Variants in OSBPL9 observed in about 807,000 individuals in gnomAD.
OSBPL9 encodes oxysterol-binding protein-related protein 9.
A neutral mutation model predicts 106.6 loss-of-function variants in OSBPL9; 40 were observed. That is an observed-to-expected ratio of 0.38 (90% CI 0.29 to 0.49). OSBPL9 has a LOEUF of 0.49. Among genes scored for constraint, OSBPL9 ranks in the 20% least tolerant of loss-of-function variants. The pLI, the probability that OSBPL9 is intolerant of heterozygous loss-of-function variation, is 0.97. For missense variants in OSBPL9, 609 were observed against 887.2 expected, an observed-to-expected ratio of 0.69 and a Z score of 3.98; for synonymous variants, 269 against 295.4, an observed-to-expected ratio of 0.91 and a Z score of 0.92.
chr1:51,643,970 C>T (rs751665638), intron 1 of OSBPL9, among the ~76,000 whole-genome samples: 6 of 150,036 alleles, frequency 4.0e-5, no homozygotes, highest in Non-Finnish European at 5.9e-5. Flanking sequence ...GTCCCAGCTA[C>T]TCTGGAGGCT....
At chr1:51,716,202 T>C (rs1661016944) in intron 4 of OSBPL9, among the ~76,000 whole-genome samples, 1 of 152,244 alleles carries the variant, frequency 6.6e-6, no homozygotes, top group African/African-American at 2.4e-5. Context: ...ATTTAATGCA[T>C]GGAGAAGATA....
chr1:51,730,039 C>G, intron 4 of OSBPL9: 1 of 1,299,710 alleles, frequency 7.7e-7, no homozygotes, highest in Non-Finnish European at 9.8e-7. Context: ...GGGGCCGGCC[C>G]CTACCCCTGA....
At chr1:51,719,795 G>C (rs182675197) in intron 4 of OSBPL9, among the ~76,000 whole-genome samples, 1 of 152,202 alleles carries the variant, frequency 6.6e-6, no homozygotes, top group East Asian at 1.9e-4. Flanking sequence ...ACATCCAAAA[G>C]AAAATTTCAA....
intron 15 of OSBPL9, among the ~76,000 whole-genome samples, chr1:51,779,628 G>A (rs542644086): frequency 9.1e-4 from 138 of 151,862 alleles, no homozygotes; most frequent in African/African-American, 3.2e-3. Context: ...GAAAATATTC[G>A]CAAACTATGC....
At chr1:51,625,763 A>G (rs10888731) in intron 1 of OSBPL9, among the ~76,000 whole-genome samples, 2,976 of 152,204 alleles carry the variant, frequency 0.02, 92 homozygotes, top group East Asian at 0.11. Flanking sequence ...AGCTTAAGCA[A>G]TCCACCCTCC....
In OSBPL9 at chr1:51,750,055, C is replaced by T. The variant is rs1030018276; in HGVS notation, c.493-90C>T. ...GTGTAGTATAGACTTAAACTCTATA[C>T]ATCTGAACTGATTTTTATATTTTAA... is the stretch of plus-strand genomic sequence containing the variant. On this transcript the variant is annotated intron_variant, in intron 7 of 23. Coordinates refer to ENST00000428468, the MANE Select transcript of OSBPL9 (RefSeq NM_024586.6). 6.7e-5 allele frequency: 60 copies of T among 901,918 alleles called. No homozygotes were observed. The African/African-American group carries it at 8.5e-4, about 13-fold the overall frequency. The allele number at this position is 901,918 out of a possible 1,614,324, so 55.9% of individuals were successfully genotyped here. A position where few individuals can be genotyped will look rare whatever the true frequency, so the allele number is the denominator to read the frequency against.
At chr1:51,526,811 C>G in the OSBPL9 span, among the ~76,000 whole-genome samples, 2 of 151,936 alleles carry the variant, frequency 1.3e-5, no homozygotes, top group African/African-American at 4.8e-5. Context: ...GTGGCGCAAT[C>G]TCGGCTCACT....
intron 1 of OSBPL9, among the ~76,000 whole-genome samples, chr1:51,633,341 G>A (rs916759012): frequency 1.3e-5 from 2 of 151,414 alleles, no homozygotes; most frequent in Non-Finnish European, 1.5e-5. Flanking sequence ...AGGCCAAGAC[G>A]GGAGGATTGC....
chr1:51,711,781 C>T (rs796360690), intron 3 of OSBPL9, among the ~76,000 whole-genome samples: 5 of 146,876 alleles, frequency 3.4e-5, no homozygotes, highest in Non-Finnish European at 7.5e-5. Flanking sequence ...GATGGGGCGG[C>T]GGGGCAGAGG....
At chr1:51,597,957 GC>G (rs1442512215) in intron 1 of OSBPL9, among the ~76,000 whole-genome samples, 1 of 152,174 alleles carries the variant, frequency 6.6e-6, no homozygotes, top group Non-Finnish European at 1.5e-5. Context: ...GGACCTTTAG[GC>G]AACTAATTTA....
intron 9 of OSBPL9, 168 bp downstream of exon 9, chr1:51,756,526 T>C: frequency 1.6e-6 from 1 of 620,906 alleles, no homozygotes; most frequent in South Asian, 2.1e-5. Flanking sequence ...AGCAATCATT[T>C]GCAGGGGAAA....
chr1:51,608,332 A>G (rs995259067), intron 2 of OSBPL9, among the ~76,000 whole-genome samples: 4 of 152,082 alleles, frequency 2.6e-5, no homozygotes, highest in African/African-American at 9.7e-5. Flanking sequence ...TCACTCTGTC[A>G]CCCAGACTAG....
intron 8 of OSBPL9, among the ~76,000 whole-genome samples, chr1:51,752,916 T>C (rs973825834): frequency 1.3e-5 from 2 of 152,162 alleles, no homozygotes; most frequent in African/African-American, 4.8e-5. Flanking sequence ...ACACAGGAAT[T>C]TGGGGAGGGA....
At chr1:51,771,320 A>G (rs1325983339) in intron 12 of OSBPL9, among the ~76,000 whole-genome samples, 1 of 151,870 alleles carries the variant, frequency 6.6e-6, no homozygotes, top group African/African-American at 2.4e-5. Flanking sequence ...TGCCTTTTTT[A>G]TTTTTCCTTT....
intron 4 of OSBPL9, among the ~76,000 whole-genome samples, chr1:51,725,970 T>A (rs556359163): frequency 1.3e-5 from 2 of 152,362 alleles, no homozygotes; most frequent in South Asian, 4.1e-4. Flanking sequence ...AGAGCTTAAC[T>A]ACTCATAGCC....
In OSBPL9 at chr1:51,789,068, C is replaced by T. The variant is rs1678398918; in HGVS notation, c.*1279C>T. On this transcript the variant is annotated 3_prime_UTR_variant, in exon 24 of 24. Transcript: ENST00000428468. ...TTTCCTTTGCCAGCTCCTACAGTAA[C>T]CCTGGGTTTATTAGTCTCAACAAAG... is the stretch of plus-strand genomic sequence containing the variant. 2.9e-6 allele frequency: 2 copies of T among 694,978 alleles called. No homozygotes were observed. The highest frequency in any genetic ancestry group is 2.6e-5 in the Admixed American group (1 of 38,310). 43.1% of individuals were successfully genotyped at this position (694,978 alleles called of 1,614,324 possible). A position where few individuals can be genotyped will look rare whatever the true frequency, so the allele number is the denominator to read the frequency against.
intron 1 of OSBPL9, among the ~76,000 whole-genome samples, chr1:51,645,392 C>T (rs186530246): frequency 2.0e-5 from 3 of 151,892 alleles, no homozygotes; most frequent in African/African-American, 4.8e-5. Context: ...CGATACTATA[C>T]CCCTACCCAG....
intron 1 of OSBPL9, among the ~76,000 whole-genome samples, chr1:51,580,532 G>A (rs1403084369): frequency 6.6e-6 from 1 of 152,070 alleles, no homozygotes; most frequent in South Asian, 2.1e-4. Flanking sequence ...CTAAAAAAGT[G>A]TGCCTTAAAT....
At chr1:51,712,853 A>C (rs1315699413) in intron 3 of OSBPL9, among the ~76,000 whole-genome samples, 2 of 152,206 alleles carry the variant, frequency 1.3e-5, no homozygotes, top group Admixed American at 6.5e-5. Context: ...AGCTAAGATG[A>C]TGTTATCTTC....
Sources: gnomAD v4.1 joint callset for allele counts (sites outside exome capture counted in the v4.1 genomes callset) on GRCh38, gnomAD v4.1.1 for gene constraint, MANE v1.5 for transcripts, NCBI Gene and HGNC (gene_info 2026-07-23, HGNC 2026-07-21) for gene names.